The following FGF18 variants were observed in gnomAD, a reference collection of about 807,000 sequenced individuals.
The protein encoded by FGF18 is fibroblast growth factor 18.
In FGF18, 5 loss-of-function variants were observed where a neutral mutation model predicts 23.0. The observed-to-expected ratio is 0.22, with a 90% CI of 0.11 to 0.46. The LOEUF (loss-of-function observed/expected upper bound fraction) is 0.46, where lower values mean the gene tolerates loss of function less well. Among genes scored for constraint, FGF18 ranks in the 20% least tolerant of loss-of-function variants. The pLI is 0.99. For missense variants in FGF18, 180 were observed against 291.6 expected (o/e 0.62, Z 2.79); for synonymous variants, 117 against 118.9 (o/e 0.98, Z 0.10).
At chr5:171,443,278 T>C (rs549981266) in intron 3 of FGF18, among the ~76,000 whole-genome samples, 53 of 151,430 alleles carry the variant, frequency 3.5e-4, no homozygotes, top group African/African-American at 1.3e-3. Context: ...TACAGGCATG[T>C]GCCACCACAC....
intron 3 of FGF18, among the ~76,000 whole-genome samples, chr5:171,443,022 T>C (rs992988315): frequency 5.3e-5 from 8 of 152,258 alleles, no homozygotes; most frequent in African/African-American, 1.9e-4. Flanking sequence ...TCAAGCAATT[T>C]AACTGCTCTA....
intron 2 of FGF18, among the ~76,000 whole-genome samples, chr5:171,433,337 G>C (rs1206551442): frequency 6.6e-6 from 1 of 152,212 alleles, no homozygotes; most frequent in African/African-American, 2.4e-5. Context: ...GGGGACCTGG[G>C]GGAAGGAGAT....
intron 4 of FGF18, among the ~76,000 whole-genome samples, chr5:171,450,272 T>C (rs1401381360): frequency 2.0e-5 from 3 of 152,170 alleles, no homozygotes; most frequent in Non-Finnish European, 4.4e-5. Context: ...CCAAGTCTTA[T>C]CCCTCTCCCT....
At chr5:171,454,689 T>C (rs1772557826) in intron 4 of FGF18, among the ~76,000 whole-genome samples, 1 of 152,236 alleles carries the variant, frequency 6.6e-6, no homozygotes, top group Non-Finnish European at 1.5e-5. Context: ...TGTTTTCCAC[T>C]TCAAACAAAA....
rs966961993 is a variant in FGF18, at chr5:171,440,668, T to A, written c.250+4395T>A. Among the ~76,000 whole-genome samples the A allele has an allele frequency of 6.6e-6, 1 of 152,158 alleles. No individual in the cohort carries two copies. The highest frequency in any genetic ancestry group is 2.1e-4 in the South Asian group (1 of 4,826). On this transcript the variant is annotated intron_variant, in intron 3 of 4. Coordinates refer to ENST00000274625, the MANE Select transcript of FGF18 (RefSeq NM_003862.3). This position sits in a 1 kb window ranked among gnomAD's most constrained non-coding sequence, Gnocchi z 4.0. ...ACCCATTCTCTCCCTGAGCCTCGGT[T>A]TCCCCACCTGTAATGTGGGTGGGGT...
intron 2 of FGF18, among the ~76,000 whole-genome samples, chr5:171,432,023 T>C (rs1044617394): frequency 1.1e-4 from 16 of 152,174 alleles, no homozygotes; most frequent in African/African-American, 3.4e-4. Flanking sequence ...CACTCCAGTC[T>C]GGGTGACAGA....
rs370764121 is a variant in FGF18 at position 171,456,816 on chromosome 5, C to T, written c.*11C>T. 237 of 1,599,520 alleles carry T rather than the reference C, an allele frequency of 1.5e-4. No individual in the cohort carries two copies. In the East Asian group the frequency reaches 3.3e-3, roughly 22 times the overall value. On this transcript the variant is annotated 3_prime_UTR_variant, in exon 5 of 5. Coordinates refer to ENST00000274625, the MANE Select transcript of FGF18 (RefSeq NM_003862.3). This position sits in a 1 kb window ranked among gnomAD's most constrained non-coding sequence, Gnocchi z 6.1. Reference sequence around the variant, plus strand: ...ACACACCCTGCCTAGGCCACCCCGCCGCGGCCCCTCAGGTCGCCCTGGCCA... The same window carrying T: ...ACACACCCTGCCTAGGCCACCCCGCTGCGGCCCCTCAGGTCGCCCTGGCCA...
intron 4 of FGF18, among the ~76,000 whole-genome samples, chr5:171,453,123 C>G (rs1772539001): frequency 6.6e-6 from 1 of 152,190 alleles, no homozygotes; most frequent in African/African-American, 2.4e-5. Flanking sequence ...CCAATTAAGT[C>G]AGAGTTTCCG....
At chr5:171,439,802 C>T (rs1772313932) in intron 3 of FGF18, among the ~76,000 whole-genome samples, 1 of 152,142 alleles carries the variant, frequency 6.6e-6, no homozygotes, top group African/African-American at 2.4e-5. Context: ...CGGGGGGTTT[C>T]CGGGGCAACT....
intron 2 of FGF18, among the ~76,000 whole-genome samples, chr5:171,429,311 A>C (rs1020197417): frequency 2.0e-5 from 3 of 152,296 alleles, no homozygotes; most frequent in Non-Finnish European, 4.4e-5. Context: ...TGTCACCTGG[A>C]ACACAGGGAT....
intron 2 of FGF18, among the ~76,000 whole-genome samples, chr5:171,435,603 G>T (rs1772233550): frequency 6.6e-6 from 1 of 152,086 alleles, no homozygotes; most frequent in Admixed American, 6.5e-5. Context: ...TGGCCTGTTG[G>T]TTCCCTGGAT....
chr5:171,442,672 T>C (rs1772363433), intron 3 of FGF18, among the ~76,000 whole-genome samples: 1 of 152,230 alleles, frequency 6.6e-6, no homozygotes, highest in Non-Finnish European at 1.5e-5. Flanking sequence ...TCTTGTCCCC[T>C]GCATCTGTGG....
At chr5:171,423,974 A>G (rs2113327437) in intron 2 of FGF18, among the ~76,000 whole-genome samples, 1 of 152,132 alleles carries the variant, frequency 6.6e-6, no homozygotes, top group South Asian at 2.1e-4. Context: ...CATGTTGGCC[A>G]GGCTGGTCTC....
At chr5:171,427,440 T>C (rs778840441) in intron 2 of FGF18, among the ~76,000 whole-genome samples, 1 of 152,188 alleles carries the variant, frequency 6.6e-6, no homozygotes, top group Non-Finnish European at 1.5e-5. Context: ...TCCTCCAGTC[T>C]GAGTTGGGAG....
Position 171,430,808 on chromosome 5 carries a change from AAAAAAAAAG to A in FGF18, c.70-5278_70-5270del, listed in dbSNP as rs1323254619. On this transcript the variant is annotated intron_variant, in intron 2 of 4. Coordinates refer to ENST00000274625, the MANE Select transcript of FGF18 (RefSeq NM_003862.3). ...AGACTCCGTCTCAAAAAAAAAAAAAAAAAAAAAAGAAAAAAGAGTAATGATTGTTACTAA... is the reference window on the plus strand; with the variant it reads ...AGACTCCGTCTCAAAAAAAAAAAAAAAAAAAAGAGTAATGATTGTTACTAA... Among the ~76,000 whole-genome samples the A allele has an allele frequency of 2.3e-3, 334 of 143,466 alleles. 3 individuals are homozygous for A. The highest frequency in any genetic ancestry group is 9.6e-3 in the East Asian group (49 of 5,100). The allele number at this position is 143,466 out of a possible 152,430, so 94.1% of individuals were successfully genotyped here. A position where few individuals can be genotyped will look rare whatever the true frequency, so the allele number is the denominator to read the frequency against.
chr5:171,435,364 G>A (rs1485542424), intron 2 of FGF18, among the ~76,000 whole-genome samples: 1 of 152,158 alleles, frequency 6.6e-6, no homozygotes, highest in Non-Finnish European at 1.5e-5. Context: ...GAAGGAAGAT[G>A]AGCACGATAT....
intron 3 of FGF18, among the ~76,000 whole-genome samples, chr5:171,441,148 T>C (rs1772337376): frequency 6.6e-6 from 1 of 152,268 alleles, no homozygotes; most frequent in South Asian, 2.1e-4. Flanking sequence ...AGTCCTCTCG[T>C]CCCCATTTCC....
rs1772603904 is a variant in FGF18 at position 171,457,474 on chromosome 5, A to C, written c.*669A>C. 1 of 151,928 alleles carries C rather than the reference A, an allele frequency of 6.6e-6. No individual in the cohort carries two copies. The highest frequency in any genetic ancestry group is 2.4e-5 in the African/African-American group (1 of 41,372). The allele number at this position is 151,928 out of a possible 1,614,324, so 9.4% of individuals were successfully genotyped here. On this transcript the variant is annotated 3_prime_UTR_variant, in exon 5 of 5. Transcript: ENST00000274625. ...TTCCGTGACTCACGTGACCTAGTACACCAATGATAAGGGAATATTTTAAAA... is the reference window on the plus strand; with the variant it reads ...TTCCGTGACTCACGTGACCTAGTACCCCAATGATAAGGGAATATTTTAAAA...
rs1772582099 is a variant in FGF18, at chr5:171,456,452, G to T, written c.358-87G>T. 2 of 1,345,422 alleles carry T rather than the reference G, an allele frequency of 1.5e-6. No homozygotes were observed. Among genetic ancestry groups the T allele is most frequent in the African/African-American group, 1.5e-5 (1 of 68,550 alleles). The allele number at this position is 1,345,422 out of a possible 1,614,324, so 83.3% of individuals were successfully genotyped here. On this transcript the variant is annotated intron_variant, in intron 4 of 4. Transcript: ENST00000274625. The surrounding 1 kb of genome is among the most constrained non-coding windows in gnomAD (Gnocchi z 6.1). ...CAGTTGTCCCTACAACAATCGCAAT[G>T]GTCCTGAATAAAACCTTCCTCGCTG...
Sources: allele counts gnomAD v4.1 joint callset (sites outside exome capture counted in the v4.1 genomes callset), GRCh38; gene constraint gnomAD v4.1.1; non-coding constraint Gnocchi (gnomAD v3.1); transcripts MANE v1.5; gene names NCBI Gene and HGNC (gene_info 2026-07-23, HGNC 2026-07-21).